The following BAIAP2L1 variants were observed in gnomAD, a reference collection of about 807,000 sequenced individuals.
BAIAP2L1 encodes the protein BAR/IMD domain-containing adapter protein 2-like 1.
In BAIAP2L1, 35 loss-of-function variants were observed where a neutral mutation model predicts 66.3. That is an observed-to-expected ratio of 0.53 (90% CI 0.40 to 0.70). BAIAP2L1 has a LOEUF of 0.70. Among genes scored for constraint, BAIAP2L1 ranks in the 30% least tolerant of loss-of-function variants. The probability of loss-of-function intolerance (pLI) is 0.00; values close to 1 mark genes in which losing one functional copy is unlikely to be tolerated. For synonymous variants in BAIAP2L1, 269 were observed against 248.7 expected (o/e 1.08, Z -0.77); for missense variants, 622 against 656.9 (o/e 0.95, Z 0.58).
intron 1 of BAIAP2L1, among the ~76,000 whole-genome samples, chr7:98,393,080 C>CATATATGTATATATAT (rs1562795854): frequency 3.3e-4 from 28 of 85,666 alleles, no homozygotes; most frequent in African/African-American, 1.2e-3. Flanking sequence ...TGTATACACA[C>CATATATGTATATATAT]ACATATATAC....
chr7:98,343,288 G>GAC (rs1383923666), intron 3 of BAIAP2L1, among the ~76,000 whole-genome samples: 5 of 79,904 alleles, frequency 6.3e-5, no homozygotes, highest in South Asian at 8.3e-4. Context: ...CACACACACA[G>GAC]ACACACACAC....
rs531177927 is a variant in BAIAP2L1, at chr7:98,364,986, CAAAAAAAAAAAAAAAAAA to C, written c.52-2572_52-2555del. Among the ~76,000 whole-genome samples, 7 of 30,800 alleles carry C rather than the reference CAAAAAAAAAAAAAAAAAA, an allele frequency of 2.3e-4. No homozygotes were observed. In the Admixed American group the frequency reaches 2.9e-3, roughly 13 times the overall value. 20.2% of individuals were successfully genotyped at this position (30,800 alleles called of 152,430 possible). A position where few individuals can be genotyped will look rare whatever the true frequency, so the allele number is the denominator to read the frequency against. On this transcript the variant is annotated intron_variant, in intron 1 of 13. Coordinates refer to ENST00000005260, the MANE Select transcript of BAIAP2L1 (RefSeq NM_018842.5). The stretch of plus-strand genomic sequence containing the variant: ...TGGGTGACAGAGTGAGGATATGTCT[CAAAAAAAAAAAAAAAAAA>C]AAAAAAAAAAAAAAAGAGCTATTAC...
intron 1 of BAIAP2L1, among the ~76,000 whole-genome samples, chr7:98,381,696 A>G (rs539276218): frequency 2.0e-5 from 3 of 152,308 alleles, no homozygotes; most frequent in South Asian, 2.1e-4. Flanking sequence ...TCAGTTGCTT[A>G]AAGAGACAGA....
In BAIAP2L1 at chr7:98,304,276, C is replaced by G; in HGVS notation, c.1342G>C (p.Ala448Pro). 1 of 1,613,570 alleles carries G rather than the reference C, an allele frequency of 6.2e-7. No homozygotes were observed. Among genetic ancestry groups the G allele is most frequent in the Admixed American group, 1.7e-5 (1 of 59,930 alleles). ...GCCGAATCTGCTCTCCTGTCGGCAG[C>G]TGCCCCCATGGACAAGCATTCCAAG... ...DYLECLSMGA[A>P]ADRRADSART... Residue 448 changes from alanine to proline, a missense_variant, in exon 12 of 14, where the codon GCT becomes CCT. Physicochemically the swap from Ala to Pro is conservative, Grantham distance 27 (BLOSUM62 -1). Coordinates refer to ENST00000005260, the MANE Select transcript of BAIAP2L1 (RefSeq NM_018842.5).
intron 8 of BAIAP2L1, among the ~76,000 whole-genome samples, chr7:98,311,160 A>G (rs62478168): frequency 0.078 from 11,877 of 152,256 alleles, 669 homozygotes; most frequent in Non-Finnish European, 0.12. Context: ...TTACGTTGTG[A>G]TGAATGCCAT....
intron 3 of BAIAP2L1, among the ~76,000 whole-genome samples, chr7:98,327,840 T>A (rs184231081): frequency 6.6e-6 from 1 of 152,322 alleles, no homozygotes; most frequent in East Asian, 1.9e-4. Context: ...CGGCGGTTAA[T>A]CCAGTGTGGT....
At position 98,294,038 on chromosome 7, in the gene BAIAP2L1, T is replaced by C. The variant is rs1439227603; in HGVS notation, c.1460+36A>G. The C allele has an allele frequency of 1.8e-5, 29 of 1,609,684 alleles. No homozygotes were observed. In the Admixed American group the frequency reaches 4.8e-4, roughly 27 times the overall value. ...GGGGACACTACAGGGAAGAGCAATG[T>C]CACACACTGAGGCTCACGTAGGAAG... On this transcript the variant is annotated intron_variant, in intron 13 of 13. Coordinates refer to ENST00000005260, the MANE Select transcript of BAIAP2L1 (RefSeq NM_018842.5).
chr7:98,355,438 G>A (rs1350976669), intron 2 of BAIAP2L1: 4 of 349,636 alleles, frequency 1.1e-5, no homozygotes, highest in African/African-American at 2.0e-5. Context: ...CGTTCCTAAC[G>A]TTGAACTAGG....
chr7:98,296,137 C>A (rs183558963), intron 12 of BAIAP2L1, among the ~76,000 whole-genome samples: 1 of 152,182 alleles, frequency 6.6e-6, no homozygotes, highest in South Asian at 2.1e-4. Flanking sequence ...ACTGTCCCTA[C>A]GGGGCCACCC....
rs773018564 is a variant in BAIAP2L1 at position 98,294,158 on chromosome 7, T to C, written c.1423-47A>G. 5.0e-6 allele frequency: 8 copies of C among 1,592,744 alleles called. No individual in the cohort carries two copies. The Admixed American group carries it at 1.2e-4, about 23-fold the overall frequency. ...TTATGGAGGGCTTAGAATTGGTCTTTTAAAAATTATTTTAGGTAGAGATGG... is the reference window on the plus strand; with the variant it reads ...TTATGGAGGGCTTAGAATTGGTCTTCTAAAAATTATTTTAGGTAGAGATGG... On this transcript the variant is annotated intron_variant, in intron 12 of 13. Coordinates refer to ENST00000005260, the MANE Select transcript of BAIAP2L1 (RefSeq NM_018842.5).
chr7:98,369,129 AATTTC>A (rs1802454674), intron 1 of BAIAP2L1, among the ~76,000 whole-genome samples: 1 of 151,712 alleles, frequency 6.6e-6, no homozygotes, highest in African/African-American at 2.4e-5. Context: ...AAAATCTGAT[AATTTC>A]ATTAGCACAC....
intron 1 of BAIAP2L1, among the ~76,000 whole-genome samples, chr7:98,363,857 CAGG>C (rs758981300): frequency 9.4e-4 from 143 of 152,092 alleles, no homozygotes; most frequent in Admixed American, 3.5e-3. Flanking sequence ...ATAAATGAAT[CAGG>C]AGGAGAGAGA....
At chr7:98,302,532 ACT>A (rs1241140927) in intron 12 of BAIAP2L1, among the ~76,000 whole-genome samples, 1 of 152,126 alleles carries the variant, frequency 6.6e-6, no homozygotes, top group African/African-American at 2.4e-5. Flanking sequence ...ACAGCAACAG[ACT>A]CTGAGCAGGG....
At position 98,307,469 on chromosome 7, in the gene BAIAP2L1, C is replaced by T. The variant is rs190815506; in HGVS notation, c.1163+220G>A. On this transcript the variant is annotated intron_variant, in intron 10 of 13. Transcript: ENST00000005260. ...CTACTTTCAGACAGGTGACTTCATA[C>T]GCTCTAATAACTATGCATGCACCAA... is the stretch of plus-strand genomic sequence containing the variant. The T allele has an allele frequency of 1.5e-3, 2,135 of 1,410,120 alleles. 5 individuals carry two copies. The highest frequency in any genetic ancestry group is 2.3e-3 in the East Asian group (89 of 38,010). 87.4% of individuals were successfully genotyped at this position (1,410,120 alleles called of 1,614,324 possible).
At chr7:98,308,231 G>C (rs748969406) in intron 9 of BAIAP2L1, 1 of 506,180 alleles carries the variant, frequency 2.0e-6, no homozygotes, top group Admixed American at 2.3e-5. Context: ...GAGACAAACC[G>C]CTCCAACGCC....
chr7:98,386,440 C>T (rs1291245869), intron 1 of BAIAP2L1: 11 of 1,596,514 alleles, frequency 6.9e-6, no homozygotes, highest in Admixed American at 5.0e-5. Context: ...GTCCTGGTGA[C>T]GAGCGTCTTT....
chr7:98,380,897 C>T (rs1273330266), intron 1 of BAIAP2L1, among the ~76,000 whole-genome samples: 1 of 147,636 alleles, frequency 6.8e-6, no homozygotes, highest in Non-Finnish European at 1.5e-5. Context: ...TATGGAATGG[C>T]CACAAAGATG....
intron 12 of BAIAP2L1, among the ~76,000 whole-genome samples, chr7:98,295,685 C>T (rs1055721349): frequency 2.0e-5 from 3 of 152,104 alleles, no homozygotes; most frequent in African/African-American, 4.8e-5. Flanking sequence ...GGGGCCAACA[C>T]CATCTCCCTC....
intron 1 of BAIAP2L1, among the ~76,000 whole-genome samples, chr7:98,368,465 G>A (rs1026754854): frequency 6.6e-6 from 1 of 151,812 alleles, no homozygotes; most frequent in Non-Finnish European, 1.5e-5. Context: ...GGCCGAGGCG[G>A]GTGGATCACA....
Sources: allele counts gnomAD v4.1 joint callset (sites outside exome capture counted in the v4.1 genomes callset), GRCh38; gene constraint gnomAD v4.1.1; transcripts MANE v1.5; gene names NCBI Gene and HGNC (gene_info 2026-07-23, HGNC 2026-07-21).